The following NR2F1-AS1 variants were observed in gnomAD, a reference collection of about 807,000 sequenced individuals.
NR2F1-AS1 encodes the protein NR2F1 regulatory antisense RNA 1, also known as NR2F1 antisense RNA 1.
chr5:93,570,106 C>T (rs1338097173), intron 1 of NR2F1-AS1: 3 of 152,240 alleles, frequency 2.0e-5, no homozygotes, highest in Non-Finnish European at 4.4e-5. Context: ...AGATAACAGT[C>T]TCCCAATATC....
upstream of NR2F1-AS1, chr5:93,583,293 C>CTCT (rs1341957065): frequency 1.3e-5 from 2 of 151,134 alleles, no homozygotes; most frequent in Non-Finnish European, 3.0e-5. Context: ...CTCTCTCTCT[C>CTCT]TCTTCTTCTC....
chr5:93,489,967 G>T (rs781528011), intron 4 of NR2F1-AS1, among the ~76,000 whole-genome samples: 4 of 152,180 alleles, frequency 2.6e-5, no homozygotes, highest in African/African-American at 7.2e-5. Context: ...GAGGATGGGT[G>T]ACTCTCAGTC....
intron 4 of NR2F1-AS1, among the ~76,000 whole-genome samples, chr5:93,528,726 G>A (rs966052131): frequency 1.6e-4 from 25 of 152,064 alleles, no homozygotes; most frequent in Non-Finnish European, 3.5e-4. Flanking sequence ...GCCATAAAAA[G>A]GATGAGTTCA....
At chr5:93,446,747 C>T (rs1226482952) in intron 4 of NR2F1-AS1, among the ~76,000 whole-genome samples, 1 of 152,162 alleles carries the variant, frequency 6.6e-6, no homozygotes, top group Non-Finnish European at 1.5e-5. Context: ...ATTGCCAAGA[C>T]AATCCTAAGC....
intron 4 of NR2F1-AS1, among the ~76,000 whole-genome samples, chr5:93,424,396 T>C (rs552454886): frequency 2.6e-4 from 40 of 152,056 alleles, no homozygotes; most frequent in Admixed American, 1.2e-3. Flanking sequence ...CTTAATAGTA[T>C]TAGTATTTAC....
At chr5:93,581,717 T>C (rs1753048595), upstream of NR2F1-AS1, among the ~76,000 whole-genome samples, 5 of 62,118 alleles carry the variant, frequency 8.0e-5, no homozygotes, top group African/African-American at 2.7e-4. Context: ...TCTCTCTCTC[T>C]CTCTCTCTCT....
At chr5:93,465,237 C>G (rs1200688486) in intron 4 of NR2F1-AS1, among the ~76,000 whole-genome samples, 1 of 152,148 alleles carries the variant, frequency 6.6e-6, no homozygotes, top group South Asian at 2.1e-4. Flanking sequence ...AAGAAAAAAA[C>G]AAACAACCCC....
chr5:93,552,226 T>C (rs1752246903), intron 4 of NR2F1-AS1, among the ~76,000 whole-genome samples: 1 of 152,166 alleles, frequency 6.6e-6, no homozygotes, highest in East Asian at 1.9e-4. Context: ...ATCTATATCT[T>C]GGAAATGTCA....
At chr5:93,503,042 C>T (rs904096179) in intron 4 of NR2F1-AS1, among the ~76,000 whole-genome samples, 1 of 151,990 alleles carries the variant, frequency 6.6e-6, no homozygotes, top group Admixed American at 6.6e-5. Context: ...CTAGACTTCA[C>T]CAAATTTACC....
intron 1 of NR2F1-AS1, chr5:93,570,996 G>T (rs1409366625): frequency 3.3e-5 from 5 of 152,246 alleles, no homozygotes; most frequent in Non-Finnish European, 7.3e-5. Context: ...CGCCCTTCCG[G>T]GGTCAGGGTC....
intron 4 of NR2F1-AS1, among the ~76,000 whole-genome samples, chr5:93,503,482 T>C (rs143367037): frequency 1.3e-5 from 2 of 152,236 alleles, no homozygotes; most frequent in African/African-American, 4.8e-5. Context: ...AAATTCGAAA[T>C]AGAAAAGTTT....
chr5:93,526,172 A>G (rs1751610345), intron 4 of NR2F1-AS1, among the ~76,000 whole-genome samples: 1 of 152,216 alleles, frequency 6.6e-6, no homozygotes, highest in Non-Finnish European at 1.5e-5. Flanking sequence ...GATAAAGGCA[A>G]TATCACCACT....
At chr5:93,530,046 G>A (rs1267411617) in intron 4 of NR2F1-AS1, among the ~76,000 whole-genome samples, 1 of 150,548 alleles carries the variant, frequency 6.6e-6, no homozygotes, top group Non-Finnish European at 1.5e-5. Flanking sequence ...TTAGATTAGA[G>A]GGCCTGCCTC....
At chr5:93,515,563 G>A (rs1301781315) in intron 4 of NR2F1-AS1, among the ~76,000 whole-genome samples, 1 of 151,830 alleles carries the variant, frequency 6.6e-6, no homozygotes, top group African/African-American at 2.4e-5. Flanking sequence ...TATAAGCAAG[G>A]ACAGAAACCA....
chr5:93,514,225 A>G (rs1302814863), intron 4 of NR2F1-AS1, among the ~76,000 whole-genome samples: 1 of 152,150 alleles, frequency 6.6e-6, no homozygotes, highest in Admixed American at 6.6e-5. Flanking sequence ...AAATTTTTCA[A>G]TTGGTATTTC....
At chr5:93,460,570 A>C (rs1004094062) in intron 4 of NR2F1-AS1, among the ~76,000 whole-genome samples, 3 of 152,208 alleles carry the variant, frequency 2.0e-5, no homozygotes, top group Admixed American at 6.5e-5. Context: ...CCACCATGAA[A>C]AGATGAAGAC....
chr5:93,499,527 C>G (rs1261272643), intron 4 of NR2F1-AS1, among the ~76,000 whole-genome samples: 1 of 152,056 alleles, frequency 6.6e-6, no homozygotes, highest in Non-Finnish European at 1.5e-5. Flanking sequence ...ACGGACCATG[C>G]CCATAAGCAA....
chr5:93,480,383 G>A (rs777398846), intron 4 of NR2F1-AS1, among the ~76,000 whole-genome samples: 15 of 152,006 alleles, frequency 9.9e-5, no homozygotes, highest in Non-Finnish European at 1.6e-4. Flanking sequence ...TACAGAAAGG[G>A]AAAAAATGCC....
At chr5:93,445,817 C>A (rs1036093155) in intron 4 of NR2F1-AS1, among the ~76,000 whole-genome samples, 24 of 152,236 alleles carry the variant, frequency 1.6e-4, no homozygotes, top group African/African-American at 4.8e-4. Context: ...TACTGGCAAA[C>A]TGAATCCAGC....
Sources: allele counts gnomAD v4.1 joint callset (sites outside exome capture counted in the v4.1 genomes callset), GRCh38; gene constraint gnomAD v4.1.1; transcripts MANE v1.5; gene names NCBI Gene and HGNC (gene_info 2026-07-23, HGNC 2026-07-21).